RBL2: variants seen among roughly 807,000 people sequenced by gnomAD.
The protein encoded by RBL2 is retinoblastoma-like protein 2.
RBL2 carries 56 observed loss-of-function variants against 126.0 expected under a neutral mutation model. That is an observed-to-expected ratio of 0.44 (90% CI 0.36 to 0.56). The LOEUF is 0.56. RBL2 is among the 20% of genes least tolerant of loss of function. RBL2 has a pLI of 0.00. For missense variants in RBL2, 1,229 were observed against 1,398.2 expected (o/e 0.88, Z 1.93); for synonymous variants, 454 against 478.5 (o/e 0.95, Z 0.67).
At chr16:53,481,902 G>C in intron 21 of RBL2, 67 bp downstream of exon 21, 1 of 1,509,264 alleles carries the variant, frequency 6.6e-7, no homozygotes, top group Non-Finnish European at 9.2e-7. Context: ...AACAGGGTTT[G>C]TGCTAAGCTT....
intron 4 of RBL2, 127 bp from the exon 5 acceptor site, chr16:53,451,576 C>A: frequency 9.9e-7 from 1 of 1,008,282 alleles, no homozygotes; most frequent in Non-Finnish European, 1.4e-6. Context: ...TTTGCCAAAA[C>A]ACTTATTGTA....
rs1276127635 is a variant in RBL2 at position 53,461,726 on chromosome 16, C to G, written c.1347-15C>G. 1.3e-6 allele frequency: 2 copies of G among 1,544,106 alleles called. No individual in the cohort carries two copies. Among genetic ancestry groups the G allele is most frequent in the African/African-American group, 2.8e-5 (2 of 71,918 alleles). On this transcript the variant is annotated splice_polypyrimidine_tract_variant and intron_variant, in intron 9 of 21. Transcript: ENST00000262133. Reference sequence around the variant, plus strand: ...AAGACCTTTAAATTATGTTATTTCTCATTACCTTTTTTAGGACATGTTCCA... The same window carrying G: ...AAGACCTTTAAATTATGTTATTTCTGATTACCTTTTTTAGGACATGTTCCA...
At chr16:53,444,538 G>A (rs1050003267) in intron 3 of RBL2, among the ~76,000 whole-genome samples, 10 of 150,820 alleles carry the variant, frequency 6.6e-5, no homozygotes, top group Non-Finnish European at 1.3e-4. Flanking sequence ...GGGCGATAGA[G>A]CGAGACTCCA....
At chr16:53,471,968 G>A (rs990512326) in intron 17 of RBL2, among the ~76,000 whole-genome samples, 4 of 152,120 alleles carry the variant, frequency 2.6e-5, no homozygotes, top group African/African-American at 9.7e-5. Context: ...TGGCATTCTG[G>A]CTGTATGGAT....
In RBL2 at chr16:53,459,633, G is replaced by C; in HGVS notation, c.1346+16G>C. The C allele has an allele frequency of 6.6e-7, 1 of 1,516,012 alleles. No homozygotes were observed. The highest frequency in any genetic ancestry group is 1.8e-4 in the Middle Eastern group (1 of 5,618). The allele number at this position is 1,516,012 out of a possible 1,614,324, so 93.9% of individuals were successfully genotyped here. ...AGATTCTCAGGTTAGTTTGAGCCCT[G>C]TCTGCTTTCTAAGATTTGGTTATTG... On this transcript the variant is annotated intron_variant, in intron 9 of 21. Transcript: ENST00000262133.
intron 18 of RBL2, 38 bp from the exon 19 acceptor site, chr16:53,479,848 A>C (rs779252488): frequency 4.6e-5 from 65 of 1,415,882 alleles, no homozygotes; most frequent in Non-Finnish European, 5.6e-5. Context: ...TGCTCAACAA[A>C]TACTAGTTTA....
intron 5 of RBL2, among the ~76,000 whole-genome samples, chr16:53,452,752 A>C (rs1481598470): frequency 6.6e-6 from 1 of 151,892 alleles, no homozygotes; most frequent in African/African-American, 2.4e-5. Context: ...CTGCAGCCTC[A>C]ATCTCCTGGG....
chr16:53,484,919 T>C (rs1321250974), intron 21 of RBL2, among the ~76,000 whole-genome samples: 1 of 151,908 alleles, frequency 6.6e-6, no homozygotes, highest in Non-Finnish European at 1.5e-5. Context: ...TGTATTAATA[T>C]CAGAGAAAGT....
At chr16:53,440,622 C>T (rs923284638) in intron 2 of RBL2, among the ~76,000 whole-genome samples, 1 of 152,100 alleles carries the variant, frequency 6.6e-6, no homozygotes, top group Non-Finnish European at 1.5e-5. Context: ...GGCGTGATCT[C>T]AGCTCATTGC....
chr16:53,474,504 C>T (rs1199605901), intron 17 of RBL2, among the ~76,000 whole-genome samples: 5 of 151,694 alleles, frequency 3.3e-5, no homozygotes, highest in Non-Finnish European at 5.9e-5. Flanking sequence ...TCAGTAGGGA[C>T]GGGGTTTCTC....
intron 4 of RBL2, among the ~76,000 whole-genome samples, chr16:53,450,301 C>G (rs1469657419): frequency 6.6e-6 from 1 of 151,862 alleles, no homozygotes; most frequent in Non-Finnish European, 1.5e-5. Flanking sequence ...TGGTAACTTT[C>G]TTTGGAGGAA....
At chr16:53,457,277 T>TTTTTTTTTG (rs1213898728) in intron 8 of RBL2, among the ~76,000 whole-genome samples, 3 of 139,880 alleles carry the variant, frequency 2.1e-5, no homozygotes, top group South Asian at 2.3e-4. Context: ...TTTTTTTTTT[T>TTTTTTTTTG]GAGATGGAGT....
intron 9 of RBL2, among the ~76,000 whole-genome samples, chr16:53,461,306 A>C (rs1243537545): frequency 6.6e-6 from 1 of 152,220 alleles, no homozygotes; most frequent in Non-Finnish European, 1.5e-5. Context: ...CAGCCTGGCC[A>C]ACATGGTGAA....
At chr16:53,447,438 G>A (rs2058072696) in intron 4 of RBL2, among the ~76,000 whole-genome samples, 1 of 152,012 alleles carries the variant, frequency 6.6e-6, no homozygotes, top group African/African-American at 2.4e-5. Context: ...TTCATGAGAT[G>A]TATCTTATTT....
intron 8 of RBL2, among the ~76,000 whole-genome samples, chr16:53,456,931 G>A (rs1406259723): frequency 6.6e-6 from 1 of 152,088 alleles, no homozygotes; most frequent in African/African-American, 2.4e-5. Context: ...AGGGAGGTAG[G>A]TAGAAAGAAT....
chr16:53,480,155 A>C, intron 19 of RBL2, 164 bp downstream of exon 19: 1 of 585,676 alleles, frequency 1.7e-6, no homozygotes, highest in Non-Finnish European at 3.0e-6. Context: ...TGTCCATTAC[A>C]TAGCTTTGGG....
In RBL2 at chr16:53,437,611, A is replaced by G. The variant is rs13334270; in HGVS notation, c.241-1405A>G. On this transcript the variant is annotated intron_variant, in intron 1 of 21. Coordinates refer to ENST00000262133, the MANE Select transcript of RBL2 (RefSeq NM_005611.4). Reference sequence around the variant, plus strand: ...GGATCCACAATAGTCTCATTTGGTTATACAAATAAATTTTATGTATTCATG... The same window carrying G: ...GGATCCACAATAGTCTCATTTGGTTGTACAAATAAATTTTATGTATTCATG... Among the ~76,000 whole-genome samples, 1,290 of 152,338 alleles carry G rather than the reference A, an allele frequency of 8.5e-3. 9 individuals carry two copies. The highest frequency in any genetic ancestry group is 0.044 in the Middle Eastern group (13 of 294).
chr16:53,465,828 T>G, intron 13 of RBL2: 1 of 339,508 alleles, frequency 2.9e-6, no homozygotes, highest in Non-Finnish European at 5.3e-6. Flanking sequence ...AGATAACGTT[T>G]ATTAAGACTT....
intron 17 of RBL2, among the ~76,000 whole-genome samples, chr16:53,476,604 G>A (rs926763268): frequency 9.2e-5 from 14 of 152,116 alleles, no homozygotes; most frequent in Admixed American, 2.0e-4. Context: ...AAATATTATT[G>A]CTGAATTGTC....
Sources: gnomAD v4.1 joint callset for allele counts (sites outside exome capture counted in the v4.1 genomes callset) on GRCh38, gnomAD v4.1.1 for gene constraint, MANE v1.5 for transcripts, NCBI Gene and HGNC (gene_info 2026-07-23, HGNC 2026-07-21) for gene names.